The following MASTL variants were observed in gnomAD, a reference collection of about 807,000 sequenced individuals.
MASTL encodes the protein microtubule associated serine/threonine kinase like.
Under a neutral mutation model 82.5 loss-of-function variants are expected in MASTL, and 54 were observed. The observed-to-expected ratio is 0.65, with a 90% CI of 0.53 to 0.82. The LOEUF is 0.82. Ranked by LOEUF, MASTL falls within the 40% of genes least tolerant of loss-of-function variation. The pLI, the probability that MASTL is intolerant of heterozygous loss-of-function variation, is 0.00. For missense variants in MASTL, 950 were observed against 1,047.8 expected (o/e 0.91, Z 1.29); for synonymous variants, 323 against 368.9 (o/e 0.88, Z 1.43).
chr10:27,154,859 G>A (rs41282214), upstream of MASTL: 206 of 159,600 alleles, frequency 1.3e-3, no homozygotes, highest in Non-Finnish European at 2.0e-3. Flanking sequence ...CTCCCTGTTG[G>A]TCCTGATCTG....
chr10:27,178,269 A>G (rs7080173), intron 9 of MASTL, among the ~76,000 whole-genome samples: 103,531 of 151,694 alleles, frequency 0.68, 35,500 homozygotes, highest in Non-Finnish European at 0.7. Flanking sequence ...GGTGGCTTAT[A>G]CCTGTAATCC....
intron 11 of MASTL, among the ~76,000 whole-genome samples, chr10:27,185,012 A>T (rs1473271283): frequency 6.6e-6 from 1 of 152,188 alleles, no homozygotes; most frequent in African/African-American, 2.4e-5. Flanking sequence ...GCTAGAAGTC[A>T]ATATGTTGTA....
At chr10:27,169,198 A>C (rs919321954) in intron 7 of MASTL, among the ~76,000 whole-genome samples, 1 of 152,156 alleles carries the variant, frequency 6.6e-6, no homozygotes, top group Admixed American at 6.6e-5. Flanking sequence ...ATATATTTAC[A>C]CTGACAATAT....
intron 9 of MASTL, among the ~76,000 whole-genome samples, chr10:27,177,502 A>G (rs976244304): frequency 4.6e-5 from 7 of 152,324 alleles, no homozygotes; most frequent in African/African-American, 1.7e-4. Flanking sequence ...GCTGAGGCCC[A>G]GCCATGACCT....
At chr10:27,175,142 T>C (rs1191261796) in intron 9 of MASTL, among the ~76,000 whole-genome samples, 3 of 151,664 alleles carry the variant, frequency 2.0e-5, no homozygotes, top group South Asian at 2.1e-4. Context: ...TGGCAACTTA[T>C]CATCTCACTA....
chr10:27,159,908 T>A lies in MASTL; in HGVS notation c.464+150T>A. 1 of 687,492 alleles carries A rather than the reference T, an allele frequency of 1.5e-6. No homozygotes were observed. Among genetic ancestry groups the A allele is most frequent in the Admixed American group, 2.3e-5 (1 of 43,472 alleles). 42.6% of individuals were successfully genotyped at this position (687,492 alleles called of 1,614,324 possible). Reference sequence around the variant, plus strand: ...TTGTATTCATTTAGAAATTAACTCTTCTTTCATCTCCCTGTGTTTTTTAAA... The same window carrying A: ...TTGTATTCATTTAGAAATTAACTCTACTTTCATCTCCCTGTGTTTTTTAAA... On this transcript the variant is annotated intron_variant, in intron 3 of 11. Coordinates refer to ENST00000375940, the MANE Select transcript of MASTL (RefSeq NM_001172303.3). The surrounding 1 kb of genome is among the most constrained non-coding windows in gnomAD (Gnocchi z 4.0).
intron 8 of MASTL, among the ~76,000 whole-genome samples, chr10:27,172,195 TC>T (rs2057969580): frequency 6.6e-6 from 1 of 152,196 alleles, no homozygotes; most frequent in Non-Finnish European, 1.5e-5. Flanking sequence ...TTACTTTTTT[TC>T]TTCCTTTGGG....
chr10:27,162,449 G>A (rs2057601730), intron 4 of MASTL, among the ~76,000 whole-genome samples: 1 of 152,120 alleles, frequency 6.6e-6, no homozygotes, highest in East Asian at 1.9e-4. Flanking sequence ...GATCACTTGA[G>A]GTTGAGGTCA....
In MASTL at chr10:27,155,414, A is replaced by G; in HGVS notation, c.-13A>G. 6.3e-7 allele frequency: 1 copy of G among 1,599,174 alleles called. No homozygotes were observed. The highest frequency in any genetic ancestry group is 1.7e-5 in the Admixed American group (1 of 57,232). On this transcript the variant is annotated 5_prime_UTR_variant, in exon 1 of 12. It removes an upstream start codon present in the reference 5' UTR. Coordinates refer to ENST00000375940, the MANE Select transcript of MASTL (RefSeq NM_001172303.3). ...GGGGCAGTGTCTGCGGGGCCGCTGT[A>G]TGCTGTCCAGCGATGGATCCCACCG...
At chr10:27,177,871 A>G in intron 9 of MASTL, 2 of 666,094 alleles carry the variant, frequency 3.0e-6, no homozygotes, top group Non-Finnish European at 1.9e-6. Context: ...TGAACAGTCA[A>G]AGTATAACTA....
Position 27,170,662 on chromosome 10 carries a change from A to C in MASTL, c.1703A>C (p.Asn568Thr), listed in dbSNP as rs761812157. The change falls in exon 8 of 12, where the codon AAC (asparagine) becomes ACC (threonine). Residue 568 changes from asparagine to threonine, a missense_variant. Physicochemically the swap from Asn to Thr is moderately conservative, Grantham distance 65 (BLOSUM62 0). Transcript: ENST00000375940. ...DDRASKNISM[N>T]SDSSFPGISI... ...AGAGCTTCTAAAAATATTTCTATGAACTCTGATTCATCTTTTCCTGGAATT... is the reference window on the plus strand; with the variant it reads ...AGAGCTTCTAAAAATATTTCTATGACCTCTGATTCATCTTTTCCTGGAATT... 1.9e-6 allele frequency: 3 copies of C among 1,610,650 alleles called. No individual in the cohort carries two copies. The highest frequency in any genetic ancestry group is 2.5e-6 in the Non-Finnish European group (3 of 1,179,172).
chr10:27,172,985 A>T (rs1349219485), intron 8 of MASTL, 133 bp from the exon 9 acceptor site: 8 of 1,028,022 alleles, frequency 7.8e-6, no homozygotes, highest in Non-Finnish European at 1.1e-5. Flanking sequence ...TTCAAAACTT[A>T]TCAAAAATTT....
chr10:27,182,950 A>C (rs1331164378), intron 11 of MASTL, among the ~76,000 whole-genome samples: 1 of 152,036 alleles, frequency 6.6e-6, no homozygotes, highest in Non-Finnish European at 1.5e-5. Flanking sequence ...GCCTGTCCTA[A>C]AACAATCTTG....
At chr10:27,171,769 C>T (rs1332635907) in intron 8 of MASTL, among the ~76,000 whole-genome samples, 3 of 150,244 alleles carry the variant, frequency 2.0e-5, no homozygotes, top group Admixed American at 1.3e-4. Flanking sequence ...TACTGCCTTC[C>T]AAGGACATAT....
intron 7 of MASTL, among the ~76,000 whole-genome samples, chr10:27,167,747 G>A (rs1002962529): frequency 6.6e-6 from 1 of 152,222 alleles, no homozygotes; most frequent in East Asian, 1.9e-4. Context: ...TAACGTGGGT[G>A]TGCCCTTAAA....
chr10:27,171,092 A>G lies in MASTL; in HGVS notation c.2124+9A>G. 1 of 1,611,938 alleles carries G rather than the reference A, an allele frequency of 6.2e-7. No individual in the cohort carries two copies. Among genetic ancestry groups the G allele is most frequent in the Non-Finnish European group, 8.5e-7 (1 of 1,178,036 alleles). On this transcript the variant is annotated intron_variant, in intron 8 of 11. Transcript: ENST00000375940. ...CCTGTATGCCACATCAGGTATATTT[A>G]TAACTTTCTAATACTGTTTTTTGGA...
intron 7 of MASTL, among the ~76,000 whole-genome samples, chr10:27,168,591 T>C (rs1221138339): frequency 6.6e-6 from 1 of 152,044 alleles, no homozygotes; most frequent in East Asian, 1.9e-4. Flanking sequence ...CTAAAGTGGG[T>C]AGATCACCTG....
intron 10 of MASTL, 106 bp downstream of exon 10, chr10:27,181,172 G>T (rs537265677): frequency 3.7e-6 from 3 of 813,028 alleles, no homozygotes; most frequent in African/African-American, 1.7e-5. Flanking sequence ...ATCGCCTGAG[G>T]TCAGGAGTTC....
At position 27,159,540 on chromosome 10, in the gene MASTL, T is replaced by TA; in HGVS notation, c.325-77dup. On this transcript the variant is annotated intron_variant, in intron 2 of 11. Coordinates refer to ENST00000375940, the MANE Select transcript of MASTL (RefSeq NM_001172303.3). The surrounding 1 kb of genome is among the most constrained non-coding windows in gnomAD (Gnocchi z 4.0). Reference sequence around the variant, plus strand: ...CATTACAGAGCCATGCCAAATATTGTAACTGTAATGCCCAAATACTAGATT... The same window carrying TA: ...CATTACAGAGCCATGCCAAATATTGTAAACTGTAATGCCCAAATACTAGATT... The TA allele has an allele frequency of 2.9e-6, 3 of 1,020,528 alleles. No individual in the cohort carries two copies. The highest frequency in any genetic ancestry group is 4.5e-6 in the Non-Finnish European group (3 of 664,988). 63.2% of individuals were successfully genotyped at this position (1,020,528 alleles called of 1,614,324 possible).
Sources: allele counts gnomAD v4.1 joint callset (sites outside exome capture counted in the v4.1 genomes callset), GRCh38; gene constraint gnomAD v4.1.1; non-coding constraint Gnocchi (gnomAD v3.1); transcripts MANE v1.5; gene names NCBI Gene and HGNC (gene_info 2026-07-23, HGNC 2026-07-21).